NTRK2: variants seen among roughly 807,000 people sequenced by gnomAD.
NTRK2 encodes BDNF/NT-3 growth factors receptor.
NTRK2 carries 13 observed loss-of-function variants against 94.5 expected under a neutral mutation model. The observed-to-expected ratio is 0.14, with a 90% confidence interval of 0.09 to 0.22. The LOEUF (loss-of-function observed/expected upper bound fraction) is 0.22, where lower values mean the gene tolerates loss of function less well. NTRK2 is among the 10% of genes least tolerant of loss of function. NTRK2 has a pLI of 1.00. For missense variants in NTRK2, 639 were observed against 1,071.2 expected (o/e 0.60, Z 5.63); for synonymous variants, 372 against 407.4 (o/e 0.91, Z 1.05).
intron 12 of NTRK2, among the ~76,000 whole-genome samples, chr9:84,816,327 G>A (rs753606591): frequency 3.3e-5 from 5 of 152,066 alleles, no homozygotes; most frequent in Non-Finnish European, 5.9e-5. Context: ...GGATGTAAAA[G>A]TGAGGTTTGT....
intron 6 of NTRK2, among the ~76,000 whole-genome samples, chr9:84,719,474 C>T (rs2061921957): frequency 6.6e-6 from 1 of 152,194 alleles, no homozygotes; most frequent in South Asian, 2.1e-4. Flanking sequence ...AACATTATGA[C>T]ATAACATTTC....
chr9:84,811,134 T>G, intron 12 of NTRK2: 14 of 1,066,588 alleles, frequency 1.3e-5, no homozygotes, highest in Non-Finnish European at 1.6e-5. Flanking sequence ...ACTAAAAGAG[T>G]TAAGGGTATA....
chr9:85,004,744 G>C (rs1830771832), intron 17 of NTRK2, among the ~76,000 whole-genome samples: 1 of 152,164 alleles, frequency 6.6e-6, no homozygotes, highest in Non-Finnish European at 1.5e-5. Context: ...TACCATAAGG[G>C]CAGCTTTCTT....
intron 12 of NTRK2, among the ~76,000 whole-genome samples, chr9:84,850,305 C>T (rs1032057784): frequency 4.6e-5 from 7 of 152,154 alleles, no homozygotes; most frequent in Admixed American, 2.0e-4. Context: ...TTTTATTCTA[C>T]TCTCATTACA....
At chr9:85,005,456 G>C (rs1428363537) in intron 17 of NTRK2, among the ~76,000 whole-genome samples, 1 of 152,196 alleles carries the variant, frequency 6.6e-6, no homozygotes, top group Admixed American at 6.5e-5. Context: ...GCCACAGACT[G>C]TGTGTATTTG....
At chr9:84,905,322 G>A (rs1302832110) in intron 14 of NTRK2, among the ~76,000 whole-genome samples, 5 of 151,484 alleles carry the variant, frequency 3.3e-5, no homozygotes, top group African/African-American at 1.2e-4. Flanking sequence ...CAGAAACCAG[G>A]CATGTGCAAG....
chr9:84,848,292 C>T (rs1287040385), intron 12 of NTRK2, among the ~76,000 whole-genome samples: 1 of 152,126 alleles, frequency 6.6e-6, no homozygotes, highest in Non-Finnish European at 1.5e-5. Flanking sequence ...CCAATACAAA[C>T]AAAAATGATA....
intron 12 of NTRK2, among the ~76,000 whole-genome samples, chr9:84,799,216 A>G (rs914332943): frequency 6.6e-6 from 1 of 151,806 alleles, no homozygotes; most frequent in African/African-American, 2.4e-5. Flanking sequence ...AATTAGAACA[A>G]GACTTTCATT....
intron 2 of NTRK2, among the ~76,000 whole-genome samples, chr9:84,689,599 T>G (rs1342761053): frequency 1.3e-5 from 2 of 152,168 alleles, no homozygotes; most frequent in African/African-American, 2.4e-5. Context: ...TTATCCTTTT[T>G]TTAAAAAAAA....
chr9:84,669,278 A>G (rs891685940), upstream of NTRK2: 15 of 152,664 alleles, frequency 9.8e-5, no homozygotes, highest in African/African-American at 3.4e-4. This position sits in a 1 kb window ranked among gnomAD's most constrained non-coding sequence, Gnocchi z 4.1. Context: ...GGATTCCTAT[A>G]ATAAGAATCA....
At chr9:84,976,267 C>T (rs1826850015) in intron 17 of NTRK2, among the ~76,000 whole-genome samples, 2 of 152,176 alleles carry the variant, frequency 1.3e-5, no homozygotes, top group South Asian at 4.1e-4. Flanking sequence ...TGCAGACGGC[C>T]ACCTTCTTGC....
At chr9:84,724,614 T>A (rs2132037097) in intron 8 of NTRK2, among the ~76,000 whole-genome samples, 1 of 152,386 alleles carries the variant, frequency 6.6e-6, no homozygotes, top group Non-Finnish European at 1.5e-5. Flanking sequence ...CTCTGTCTTT[T>A]TTCTGATAGA....
Position 84,745,040 on chromosome 9 carries a change from C to T in NTRK2, c.1263C>T (p.Asp421=), listed in dbSNP as rs146402774. The change falls in exon 11 of 19, where the codon GAC becomes GAT. Residue 421 remains aspartate, a synonymous_variant. Transcript: ENST00000277120. ...GAAGTAATGAAATCCCTTCCACAGA[C>T]GTCACTGATAAAACCGGTCGGGAAC... is the stretch of plus-strand genomic sequence containing the variant. The part of the protein sequence containing the change: ...TNRSNEIPST[D]VTDKTGREHL... The T allele has an allele frequency of 3.0e-5, 49 of 1,613,228 alleles. No homozygotes were observed. The highest frequency in any genetic ancestry group is 2.5e-4 in the Admixed American group (15 of 59,872).
At chr9:84,906,175 T>C (rs2077070044) in intron 14 of NTRK2, among the ~76,000 whole-genome samples, 1 of 151,884 alleles carries the variant, frequency 6.6e-6, no homozygotes, top group Non-Finnish European at 1.5e-5. Flanking sequence ...TGTGAGGGAA[T>C]GTGTAAAGAG....
intron 6 of NTRK2, among the ~76,000 whole-genome samples, chr9:84,716,284 G>A (rs1345451561): frequency 2.6e-5 from 4 of 152,138 alleles, no homozygotes; most frequent in Non-Finnish European, 5.9e-5. Flanking sequence ...AGCTTTTAAA[G>A]GCACATCGAC....
chr9:84,954,473 C>T (rs1031278820), intron 16 of NTRK2, among the ~76,000 whole-genome samples: 2 of 152,210 alleles, frequency 1.3e-5, no homozygotes, highest in Non-Finnish European at 2.9e-5. Flanking sequence ...CATAGTCCCC[C>T]TCCCCATAGT....
At chr9:84,959,193 G>T (rs536975306) in intron 17 of NTRK2, among the ~76,000 whole-genome samples, 3 of 152,132 alleles carry the variant, frequency 2.0e-5, no homozygotes, top group Non-Finnish European at 4.4e-5. Flanking sequence ...GAACTCCAAG[G>T]TGAGAAGCTG....
chr9:84,779,752 G>A (rs539902321), intron 12 of NTRK2, among the ~76,000 whole-genome samples: 4 of 152,284 alleles, frequency 2.6e-5, no homozygotes, highest in Admixed American at 6.5e-5. Context: ...AAGAAGGTGA[G>A]GCATTTAATT....
chr9:84,970,212 C>T (rs1200702028), intron 17 of NTRK2, among the ~76,000 whole-genome samples: 1 of 151,946 alleles, frequency 6.6e-6, no homozygotes, highest in Non-Finnish European at 1.5e-5. Flanking sequence ...GCCTGGTCAA[C>T]ATGGCAAAAC....
Sources: gnomAD v4.1 joint callset for allele counts (sites outside exome capture counted in the v4.1 genomes callset) on GRCh38, gnomAD v4.1.1 for gene constraint, Gnocchi (gnomAD v3.1) non-coding constraint, MANE v1.5 for transcripts, NCBI Gene and HGNC (gene_info 2026-07-23, HGNC 2026-07-21) for gene names.